LRRC7: variants seen among roughly 807,000 people sequenced by gnomAD.
The protein encoded by LRRC7 is leucine rich repeat containing 7.
A neutral mutation model predicts 175.7 loss-of-function variants in LRRC7; 23 were observed. The ratio of observed to expected loss-of-function variants is 0.13; its 90% CI spans 0.09 to 0.19. The LOEUF is 0.19. Ranked by LOEUF, LRRC7 falls within the 10% of genes least tolerant of loss-of-function variation. The pLI is 1.00. For missense variants in LRRC7, 1,354 were observed against 1,904.7 expected (o/e 0.71, Z 5.38); for synonymous variants, 685 against 680.9 (o/e 1.01, Z -0.09).
intron 2 of LRRC7, among the ~76,000 whole-genome samples, chr1:69,734,617 C>T (rs1667918782): frequency 6.6e-6 from 1 of 151,694 alleles, no homozygotes; most frequent in East Asian, 1.9e-4. Flanking sequence ...ATTTTCTTTG[C>T]TTTTATAAAT....
At chr1:69,958,180 G>T (rs531427451) in intron 8 of LRRC7, among the ~76,000 whole-genome samples, 5 of 151,790 alleles carry the variant, frequency 3.3e-5, no homozygotes, top group Admixed American at 6.6e-5. Context: ...TTAATCAATT[G>T]GACTTTAATG....
intron 1 of LRRC7, among the ~76,000 whole-genome samples, chr1:69,601,170 G>A (rs986932005): frequency 1.3e-5 from 2 of 152,148 alleles, no homozygotes; most frequent in African/African-American, 4.8e-5. Flanking sequence ...GACACTAGGT[G>A]TACTATTGCG....
At chr1:69,722,899 C>G (rs1666520411) in intron 2 of LRRC7, among the ~76,000 whole-genome samples, 1 of 151,910 alleles carries the variant, frequency 6.6e-6, no homozygotes, top group Non-Finnish European at 1.5e-5. Context: ...TATGTACACT[C>G]TTTGTATGTA....
At chr1:69,580,950 A>C (rs1320626166) in intron 1 of LRRC7, among the ~76,000 whole-genome samples, 2 of 152,202 alleles carry the variant, frequency 1.3e-5, no homozygotes, top group African/African-American at 4.8e-5. Context: ...GAAGTTAGCC[A>C]GACAAAGAAA....
At chr1:69,631,606 C>A (rs1652513063) in intron 1 of LRRC7, among the ~76,000 whole-genome samples, 2 of 152,048 alleles carry the variant, frequency 1.3e-5, no homozygotes, top group South Asian at 4.1e-4. Flanking sequence ...CGTAAAGCCC[C>A]ATGAGAGCTT....
intron 23 of LRRC7, among the ~76,000 whole-genome samples, chr1:70,074,032 C>T (rs1052483353): frequency 1.5e-4 from 23 of 152,062 alleles, no homozygotes; most frequent in South Asian, 2.1e-4. Flanking sequence ...GAAACCCTGT[C>T]TCTACTAAAG....
At chr1:69,948,167 A>G (rs1349029731) in intron 8 of LRRC7, among the ~76,000 whole-genome samples, 1 of 152,154 alleles carries the variant, frequency 6.6e-6, no homozygotes, top group Non-Finnish European at 1.5e-5. Context: ...TGTTTCTGGA[A>G]TTTTCCATTT....
rs1204650835 is a variant in LRRC7, at chr1:70,136,721, C to CTTTTTTT, written c.*14852_*14858dup. ...TTCTGCTTTATTGCTTTTTTAATGC[C>CTTTTTTT]TTTTTTTTTTTTTTTTTTTTTTTTC... On this transcript the variant is annotated 3_prime_UTR_variant, in exon 27 of 27. Coordinates refer to ENST00000651989, the MANE Select transcript of LRRC7 (RefSeq NM_001370785.2). Among the ~76,000 whole-genome samples the CTTTTTTT allele has an allele frequency of 3.2e-4, 31 of 98,342 alleles. No individual in the cohort carries two copies. The highest frequency in any genetic ancestry group is 4.2e-4 in the South Asian group (1 of 2,396). The allele number at this position is 98,342 out of a possible 152,430, so 64.5% of individuals were successfully genotyped here.
intron 7 of LRRC7, among the ~76,000 whole-genome samples, chr1:69,922,378 CT>C (rs762406620): frequency 6.6e-6 from 1 of 152,070 alleles, no homozygotes; most frequent in Non-Finnish European, 1.5e-5. Context: ...CTATTCCTAC[CT>C]TCCCCAAGGC....
chr1:70,078,779 C>T (rs1662968608), intron 24 of LRRC7, among the ~76,000 whole-genome samples: 2 of 150,590 alleles, frequency 1.3e-5, no homozygotes, highest in South Asian at 4.2e-4. Context: ...TCAAATAATA[C>T]AGTTCTACAT....
At chr1:69,662,858 T>G (rs1264889963) in intron 1 of LRRC7, among the ~76,000 whole-genome samples, 2 of 152,188 alleles carry the variant, frequency 1.3e-5, no homozygotes, top group South Asian at 4.1e-4. Flanking sequence ...AAACTCTACT[T>G]TCCTTGGAAA....
intron 8 of LRRC7, among the ~76,000 whole-genome samples, chr1:69,956,021 C>G (rs762467448): frequency 6.6e-6 from 1 of 151,824 alleles, no homozygotes; most frequent in Non-Finnish European, 1.5e-5. Flanking sequence ...TGATGTAGTT[C>G]ACATGGTAGA....
At chr1:69,961,303 C>G (rs1218401094) in intron 8 of LRRC7, among the ~76,000 whole-genome samples, 2 of 152,058 alleles carry the variant, frequency 1.3e-5, no homozygotes, top group African/African-American at 4.8e-5. Flanking sequence ...ACAAGGAGAG[C>G]TACAAACCAC....
chr1:69,947,340 C>T (rs1649445150), intron 8 of LRRC7, among the ~76,000 whole-genome samples: 1 of 151,688 alleles, frequency 6.6e-6, no homozygotes, highest in South Asian at 2.1e-4. Flanking sequence ...TGTTATTTTT[C>T]TTCTCTTTCT....
rs571099343 is a variant in LRRC7 at position 69,875,733 on chromosome 1, T to C, written c.647+37450T>C. 3.9e-5 allele frequency among the ~76,000 whole-genome samples: 6 copies of C among 152,138 alleles called. No homozygotes were observed. The South Asian group carries it at 8.3e-4, about 21-fold the overall frequency. ...TACTTTTTAAAAAAAACAGGTAAAATGATAATAAGATGAAATATTTTTATA... is the reference window on the plus strand; with the variant it reads ...TACTTTTTAAAAAAAACAGGTAAAACGATAATAAGATGAAATATTTTTATA... On this transcript the variant is annotated intron_variant, in intron 7 of 26. Coordinates refer to ENST00000651989, the MANE Select transcript of LRRC7 (RefSeq NM_001370785.2).
intron 22 of LRRC7, among the ~76,000 whole-genome samples, chr1:70,046,527 G>A (rs567917924): frequency 4.7e-4 from 72 of 152,228 alleles, no homozygotes; most frequent in African/African-American, 4.1e-4. Flanking sequence ...AAGAAGAAAA[G>A]TAGAGAAGGC....
intron 21 of LRRC7, among the ~76,000 whole-genome samples, chr1:70,040,149 G>A (rs1037115101): frequency 5.3e-5 from 8 of 152,194 alleles, no homozygotes; most frequent in Non-Finnish European, 8.8e-5. Context: ...TAAAGAGTAT[G>A]ATTTTTGTTG....
chr1:70,053,105 T>C lies in LRRC7; in HGVS notation c.4190T>C (p.Leu1397Pro). The C allele has an allele frequency of 3.7e-6, 6 of 1,610,700 alleles. No homozygotes were observed. The highest frequency in any genetic ancestry group is 1.1e-5 in the South Asian group (1 of 90,302). ...SPSGQWNPYP[L>P]GRRDVPPDTI... ...AGTGGCCAATGGAATCCTTATCCAC[T>C]TGGGAGGCGGGATGTACCTCCGGAC... Residue 1397 changes from leucine to proline, a missense_variant, in exon 23 of 27, where the codon CTT becomes CCT. By Grantham distance (98) the Leu-to-Pro change is moderately conservative. This residue lies in a region of LRRC7 where 1,032 missense variants were observed against 1,227.2 expected (regional missense o/e 0.84). Transcript: ENST00000651989.
At chr1:69,614,884 G>C (rs752587246) in intron 1 of LRRC7, among the ~76,000 whole-genome samples, 14 of 152,006 alleles carry the variant, frequency 9.2e-5, no homozygotes, top group Admixed American at 5.9e-4. Flanking sequence ...TCTAGAAAAA[G>C]TCTCTCAGTG....
Sources: allele counts gnomAD v4.1 joint callset (sites outside exome capture counted in the v4.1 genomes callset), GRCh38; gene constraint gnomAD v4.1.1; regional missense constraint gnomAD v4.1.1; transcripts MANE v1.5; gene names NCBI Gene and HGNC (gene_info 2026-07-23, HGNC 2026-07-21).